CACNA1B: variants seen among roughly 807,000 people sequenced by gnomAD.
CACNA1B encodes the protein voltage-dependent N-type calcium channel subunit alpha-1B.
In CACNA1B, 70 loss-of-function variants were observed where a neutral mutation model predicts 247.2. The observed-to-expected ratio is 0.28, with a 90% CI of 0.23 to 0.35. The LOEUF is 0.35. Among genes scored for constraint, CACNA1B ranks in the 10% least tolerant of loss-of-function variants. The probability of loss-of-function intolerance (pLI) is 1.00; values close to 1 mark genes in which losing one functional copy is unlikely to be tolerated. For missense variants in CACNA1B, 2,367 were observed against 3,197.4 expected, an observed-to-expected ratio of 0.74 and a Z score of 6.26; for synonymous variants, 1,231 against 1,294.4, an observed-to-expected ratio of 0.95 and a Z score of 1.05.
At chr9:138,038,381 A>C (rs1365670986) in intron 20 of CACNA1B, among the ~76,000 whole-genome samples, 1 of 152,196 alleles carries the variant, frequency 6.6e-6, no homozygotes, top group African/African-American at 2.4e-5. Context: ...TTTCTCCAAG[A>C]AGCAGCACAC....
chr9:138,068,787 G>A (rs1427743928), intron 31 of CACNA1B, among the ~76,000 whole-genome samples: 2 of 152,186 alleles, frequency 1.3e-5, no homozygotes, highest in African/African-American at 4.8e-5. Flanking sequence ...CGTCAGAGAT[G>A]TGCAGAGAGC....
intron 15 of CACNA1B, among the ~76,000 whole-genome samples, chr9:137,996,322 C>G (rs1313458947): frequency 6.6e-6 from 1 of 152,180 alleles, no homozygotes; most frequent in Non-Finnish European, 1.5e-5. Context: ...CTATAGAATA[C>G]TACTCAGCCC....
rs1959313736 is a variant in CACNA1B at position 138,052,244 on chromosome 9, G to T, written c.3807+56G>T. ...GTGCTGTGTGTGTGTGCGTGTGTGT[G>T]TGTGCGTGTGTGTGTGTGTATGCAT... On this transcript the variant is annotated intron_variant, in intron 25 of 46. Coordinates refer to ENST00000371372, the MANE Select transcript of CACNA1B (RefSeq NM_000718.4). This position sits in a 1 kb window ranked among gnomAD's most constrained non-coding sequence, Gnocchi z 5.1. The T allele has an allele frequency of 2.3e-6, 2 of 862,444 alleles. No homozygotes were observed. Among genetic ancestry groups the T allele is most frequent in the East Asian group, 5.4e-5 (2 of 37,310 alleles). 53.4% of individuals were successfully genotyped at this position (862,444 alleles called of 1,614,324 possible).
intron 18 of CACNA1B, among the ~76,000 whole-genome samples, chr9:138,021,253 G>T (rs745325481): frequency 6.6e-6 from 1 of 152,204 alleles, no homozygotes; most frequent in Non-Finnish European, 1.5e-5. Context: ...TACAGGTCAG[G>T]GCCTGGGGCT....
chr9:137,991,727 A>C lies in CACNA1B; in HGVS notation c.1974+4873A>C, dbSNP rs139259223. ...ATAAAGGAAAACCTATCAGATTAAC[A>C]GAAGATTTCTCAACAGAAACCCTAC... On this transcript the variant is annotated intron_variant, in intron 15 of 46. Transcript: ENST00000371372. Among the ~76,000 whole-genome samples the C allele has an allele frequency of 9.7e-3, 1,471 of 152,388 alleles. 13 individuals carry two copies. Among genetic ancestry groups the C allele is most frequent in the Non-Finnish European group, 0.016 (1,084 of 68,036 alleles).
At position 137,877,866 on chromosome 9, in the gene CACNA1B, G is replaced by A. The variant is rs868729920; in HGVS notation, c.-68G>A. On this transcript the variant is annotated 5_prime_UTR_variant, in exon 1 of 47. Coordinates refer to ENST00000371372, the MANE Select transcript of CACNA1B (RefSeq NM_000718.4). ...GCTCCGTGGCTGCTCCGCTCTGAGC[G>A]CCTGGCGCGCCCCGCGCCCTCCCTG... 1,422 of 893,658 alleles carry A rather than the reference G, an allele frequency of 1.6e-3. 23 individuals carry two copies. The African/African-American group carries it at 0.024, about 15-fold the overall frequency. 55.4% of individuals were successfully genotyped at this position (893,658 alleles called of 1,614,324 possible).
intron 10 of CACNA1B, among the ~76,000 whole-genome samples, chr9:137,960,038 C>T (rs1406828716): frequency 2.0e-5 from 3 of 151,354 alleles, no homozygotes; most frequent in East Asian, 2.0e-4. Context: ...GAAGTGAGGA[C>T]GCCTGAGGGA....
chr9:138,115,763 C>T, intron 42 of CACNA1B, 84 bp downstream of exon 42: 6 of 1,381,564 alleles, frequency 4.3e-6, no homozygotes, highest in East Asian at 2.4e-5. Context: ...ATTTCCTCAA[C>T]CTCCCTGGCC....
intron 15 of CACNA1B, among the ~76,000 whole-genome samples, chr9:138,001,175 G>A (rs913520315): frequency 6.6e-6 from 1 of 152,050 alleles, no homozygotes; most frequent in Non-Finnish European, 1.5e-5. Context: ...ATCTCTACAG[G>A]TTAAAAGAGA....
At chr9:138,084,188 C>T (rs1960619407) in intron 36 of CACNA1B, among the ~76,000 whole-genome samples, 1 of 151,166 alleles carries the variant, frequency 6.6e-6, no homozygotes, top group Non-Finnish European at 1.5e-5. Flanking sequence ...GGGAGCAAAC[C>T]TGTACCCCAA....
chr9:138,121,622 G>A lies in CACNA1B; in HGVS notation c.6643G>A (p.Gly2215Arg), dbSNP rs112641839. The A allele has an allele frequency of 9.3e-6, 15 of 1,612,712 alleles. No individual in the cohort carries two copies. Among genetic ancestry groups the A allele is most frequent in the African/African-American group, 4.0e-5 (3 of 74,816 alleles). Residue 2215 changes from glycine (G) to arginine (R), a missense_variant, in exon 47 of 47, where the codon GGG (glycine) becomes AGG (arginine). Coordinates refer to ENST00000371372, the MANE Select transcript of CACNA1B (RefSeq NM_000718.4). The surrounding 1 kb of genome is among the most constrained non-coding windows in gnomAD (Gnocchi z 6.8). ...TANSSPIHFA[G>R]AQTSLPAFSP... The stretch of plus-strand genomic sequence containing the variant: ...CAACTCCTCACCCATCCACTTCGCC[G>A]GGGCTCAGACCAGCCTCCCTGCCTT...
Position 138,121,059 on chromosome 9 carries a change from C to G in CACNA1B, c.6489+178C>G, listed in dbSNP as rs1036884117. On this transcript the variant is annotated intron_variant, in intron 46 of 46. Transcript: ENST00000371372. This position sits in a 1 kb window ranked among gnomAD's most constrained non-coding sequence, Gnocchi z 6.8. ...CCCGGAGCCCACGTCTGCAGCCTAC[C>G]CCAGCTGTGTTCTCATCAAGCTCCT... Among the ~76,000 whole-genome samples the G allele has an allele frequency of 1.3e-5, 2 of 152,134 alleles. No individual in the cohort carries two copies. The highest frequency in any genetic ancestry group is 2.9e-5 in the Non-Finnish European group (2 of 68,012).
rs1293044570 is a variant in CACNA1B at position 138,054,831 on chromosome 9, C to T, written c.3968+825C>T. Among the ~76,000 whole-genome samples the T allele has an allele frequency of 4.3e-4, 65 of 152,146 alleles. No homozygotes were observed. On this transcript the variant is annotated intron_variant, in intron 26 of 46. Transcript: ENST00000371372. This position sits in a 1 kb window ranked among gnomAD's most constrained non-coding sequence, Gnocchi z 4.6. ...TAAATCTTGGTGTTTTCTTTCTCGC[C>T]TTTCTGGGTGTAGTGGTCATTCACC...
chr9:137,878,249 G>T, intron 1 of CACNA1B, 32 bp downstream of exon 1: 1 of 1,209,332 alleles, frequency 8.3e-7, no homozygotes, highest in Non-Finnish European at 1.0e-6. Flanking sequence ...GGCGGGGCCG[G>T]GCGGGGACCG....
At chr9:138,110,116 T>C (rs530187645) in intron 39 of CACNA1B, among the ~76,000 whole-genome samples, 10 of 129,946 alleles carry the variant, frequency 7.7e-5, no homozygotes, top group African/African-American at 1.6e-4. Flanking sequence ...TATATATATA[T>C]ACATATATAT....
intron 6 of CACNA1B, among the ~76,000 whole-genome samples, chr9:137,936,149 G>T (rs571632239): frequency 6.6e-6 from 1 of 152,124 alleles, no homozygotes; most frequent in Admixed American, 6.5e-5. Context: ...GAGCCACTGC[G>T]CCCGGCTGTT....
intron 44 of CACNA1B, 137 bp downstream of exon 44, chr9:138,118,905 A>G (rs372978353): frequency 1.7e-6 from 1 of 597,494 alleles, no homozygotes; most frequent in Non-Finnish European, 3.0e-6. Flanking sequence ...CTCTTTGCTG[A>G]GGCAGGAGCA....
intron 3 of CACNA1B, among the ~76,000 whole-genome samples, chr9:137,884,966 C>CCT (rs1554919680): frequency 0.012 from 1,307 of 107,688 alleles, 49 homozygotes; most frequent in Admixed American, 0.059. Flanking sequence ...TTCCCCCCCC[C>CCT]CCTCCTCCCA....
Position 138,052,775 on chromosome 9 carries a change from G to C in CACNA1B, c.3807+587G>C, listed in dbSNP as rs1959339985. On this transcript the variant is annotated intron_variant, in intron 25 of 46. Coordinates refer to ENST00000371372, the MANE Select transcript of CACNA1B (RefSeq NM_000718.4). This position sits in a 1 kb window ranked among gnomAD's most constrained non-coding sequence, Gnocchi z 5.1. ...AGTTTGTTTAGAACCTGTATGTGAAGGAGTGGGCTGGCAGGCAGCTGGGGA... is the reference window on the plus strand; with the variant it reads ...AGTTTGTTTAGAACCTGTATGTGAACGAGTGGGCTGGCAGGCAGCTGGGGA... Among the ~76,000 whole-genome samples the C allele has an allele frequency of 1.3e-5, 2 of 152,230 alleles. No individual in the cohort carries two copies. The highest frequency in any genetic ancestry group is 2.9e-5 in the Non-Finnish European group (2 of 68,040).
Sources: allele counts gnomAD v4.1 joint callset (sites outside exome capture counted in the v4.1 genomes callset), GRCh38; gene constraint gnomAD v4.1.1; non-coding constraint Gnocchi (gnomAD v3.1); transcripts MANE v1.5; gene names NCBI Gene and HGNC (gene_info 2026-07-23, HGNC 2026-07-21).